The following PCDHA8 variants were observed in gnomAD, a reference collection of about 807,000 sequenced individuals.
PCDHA8 encodes protocadherin alpha-8.
PCDHA8 carries 53 observed loss-of-function variants against 61.8 expected under a neutral mutation model. The observed-to-expected ratio is 0.86, with a 90% confidence interval of 0.69 to 1.08. PCDHA8 has a LOEUF of 1.08. Ranked by LOEUF, PCDHA8 falls within the 50% of genes least tolerant of loss-of-function variation. The pLI is 0.00. For synonymous variants in PCDHA8, 618 were observed against 556.6 expected (o/e 1.11, Z -1.55); for missense variants, 1,293 against 1,245.0 (o/e 1.04, Z -0.58).
In PCDHA8 at chr5:141,009,718, A is replaced by G. The variant is rs2098413942; in HGVS notation, c.2634A>G (p.Gln878=). Residue 878 remains glutamine, a synonymous_variant, in exon 4 of 4, where the codon CAA becomes CAG. Transcript: ENST00000531613. ...TFKYGPGNPK[Q]SGPGELPDKF... ...AATACGGACCAGGCAACCCCAAACA[A>G]TCCGGTCCCGGTGAGTTGCCCGACA... The G allele has an allele frequency of 1.2e-6, 2 of 1,614,044 alleles. No homozygotes were observed. The highest frequency in any genetic ancestry group is 1.1e-5 in the South Asian group (1 of 91,052).
intron 1 of PCDHA8, among the ~76,000 whole-genome samples, chr5:140,925,941 GAGA>G (rs1554203013): frequency 7.2e-6 from 1 of 138,610 alleles, no homozygotes; most frequent in East Asian, 1.9e-4. Flanking sequence ...GAGCCTCTTG[GAGA>G]AGGAGAAACT....
At chr5:140,882,776 T>C in intron 1 of PCDHA8, 2 of 1,614,252 alleles carry the variant, frequency 1.2e-6, no homozygotes, top group Non-Finnish European at 1.7e-6. Context: ...GGCATTGACC[T>C]ACCGACTGGA....
chr5:140,969,228 G>C, intron 1 of PCDHA8: 1 of 1,614,176 alleles, frequency 6.2e-7, no homozygotes, highest in Non-Finnish European at 8.5e-7. Flanking sequence ...GGGCCTTCGG[G>C]AGCCCAAGCA....
intron 1 of PCDHA8, among the ~76,000 whole-genome samples, chr5:140,952,174 A>T (rs1376987356): frequency 6.6e-6 from 1 of 152,096 alleles, no homozygotes; most frequent in Non-Finnish European, 1.5e-5. Flanking sequence ...CAGTTCCTGC[A>T]GCTGCTCTCA....
intron 1 of PCDHA8, chr5:140,871,085 CG>C: frequency 6.2e-7 from 1 of 1,613,246 alleles, no homozygotes. Context: ...CTGACGGCCA[CG>C]GCCACCGTGC....
chr5:140,939,340 A>G (rs1337369012), intron 1 of PCDHA8, among the ~76,000 whole-genome samples: 1 of 152,178 alleles, frequency 6.6e-6, no homozygotes, highest in Non-Finnish European at 1.5e-5. Flanking sequence ...AGGGGTTAGC[A>G]TTTCAACTTA....
At chr5:140,875,953 G>T (rs782793293) in intron 1 of PCDHA8, 1 of 1,614,066 alleles carries the variant, frequency 6.2e-7, no homozygotes, top group African/African-American at 1.3e-5. Context: ...TTCTGATGCG[G>T]ATATCGGCGT....
chr5:140,850,992 G>T, intron 1 of PCDHA8: 1 of 1,444,816 alleles, frequency 6.9e-7, no homozygotes, highest in Non-Finnish European at 9.2e-7. Context: ...CATTTTTCTA[G>T]AAATCCAGCA....
At chr5:140,908,602 G>T (rs542051868) in intron 1 of PCDHA8, among the ~76,000 whole-genome samples, 67 of 152,202 alleles carry the variant, frequency 4.4e-4, no homozygotes, top group African/African-American at 1.3e-3. Context: ...AAGATGGAAG[G>T]GCCTTGCTCC....
intron 1 of PCDHA8, among the ~76,000 whole-genome samples, chr5:140,889,104 T>C (rs2062103050): frequency 6.6e-6 from 1 of 151,956 alleles, no homozygotes; most frequent in Admixed American, 6.6e-5. Flanking sequence ...TTTTTCATCT[T>C]TATTCCAGGT....
intron 1 of PCDHA8, chr5:140,866,668 AT>A (rs2049485821): frequency 1.3e-5 from 2 of 152,156 alleles, no homozygotes; most frequent in African/African-American, 2.4e-5. Flanking sequence ...TCAAGAAATA[AT>A]AGCACTAGGT....
chr5:140,939,005 G>A (rs2092293653), intron 1 of PCDHA8, among the ~76,000 whole-genome samples: 1 of 152,200 alleles, frequency 6.6e-6, no homozygotes, highest in Non-Finnish European at 1.5e-5. Flanking sequence ...AAGTTAAGAA[G>A]TGTTACTTTT....
chr5:140,913,471 C>G (rs2076351409), intron 1 of PCDHA8, among the ~76,000 whole-genome samples: 1 of 152,010 alleles, frequency 6.6e-6, no homozygotes, highest in South Asian at 2.1e-4. Context: ...TGGGTCTTCT[C>G]TCTTTTTTTC....
chr5:140,937,493 C>T (rs1158473278), intron 1 of PCDHA8, among the ~76,000 whole-genome samples: 3 of 152,020 alleles, frequency 2.0e-5, no homozygotes, highest in Non-Finnish European at 2.9e-5. Flanking sequence ...GGCACATACC[C>T]GTAATCCCAG....
intron 1 of PCDHA8, chr5:140,876,774 G>C: frequency 3.7e-6 from 6 of 1,614,228 alleles, no homozygotes; most frequent in Non-Finnish European, 5.1e-6. Flanking sequence ...GCTCGCCTTC[G>C]CTGTGGGCCA....
At chr5:140,996,752 G>T (rs1454271001) in intron 3 of PCDHA8, among the ~76,000 whole-genome samples, 4 of 152,090 alleles carry the variant, frequency 2.6e-5, no homozygotes, top group African/African-American at 7.2e-5. Context: ...AATTATATCT[G>T]TGCAGGACTA....
Position 140,843,262 on chromosome 5 carries a change from G to C in PCDHA8, c.1941G>C (p.Leu647=), listed in dbSNP as rs2150356218. The C allele has an allele frequency of 6.3e-7, 1 of 1,596,090 alleles. No individual in the cohort carries two copies. Among genetic ancestry groups the C allele is most frequent in the South Asian group, 1.1e-5 (1 of 90,502 alleles). The change falls in exon 1 of 4, where the codon CTG becomes CTC. Residue 647 remains leucine (L), a synonymous_variant. Transcript: ENST00000531613. ...LDEADSPRHR[L]LVLVKDHGEP... is the part of the protein sequence containing the mutation. The stretch of plus-strand genomic sequence containing the variant: ...AAGCGGACTCTCCGCGCCACCGTCT[G>C]CTGGTCCTGGTGAAGGATCATGGTG...
intron 1 of PCDHA8, chr5:140,857,235 T>C: frequency 6.3e-7 from 1 of 1,598,634 alleles, no homozygotes; most frequent in Non-Finnish European, 8.6e-7. Context: ...CCGTTCAAGC[T>C]GGTGTCCACC....
chr5:140,894,678 G>A (rs2064610623), intron 1 of PCDHA8, among the ~76,000 whole-genome samples: 2 of 151,110 alleles, frequency 1.3e-5, no homozygotes, highest in African/African-American at 4.9e-5. Flanking sequence ...TTCTTGCATA[G>A]CTTTTCATTA....
Sources: allele counts gnomAD v4.1 joint callset (sites outside exome capture counted in the v4.1 genomes callset), GRCh38; gene constraint gnomAD v4.1.1; transcripts MANE v1.5; gene names NCBI Gene and HGNC (gene_info 2026-07-23, HGNC 2026-07-21).